Variants in ZNF136 observed in about 807,000 individuals in gnomAD.
ZNF136 encodes the protein zinc finger protein 136.
A neutral mutation model predicts 11.4 loss-of-function variants in ZNF136; 8 were observed. The observed-to-expected ratio is 0.70, with a 90% confidence interval of 0.41 to 1.27. The LOEUF (loss-of-function observed/expected upper bound fraction) is 1.27, where lower values mean the gene tolerates loss of function less well. Among genes scored for constraint, ZNF136 ranks in the 50% most tolerant of loss-of-function variants. The probability of loss-of-function intolerance (pLI) is 0.01; values close to 1 mark genes in which losing one functional copy is unlikely to be tolerated. For missense variants in ZNF136, 590 were observed against 656.5 expected (o/e 0.90, Z 1.11); for synonymous variants, 190 against 207.1 (o/e 0.92, Z 0.71).
At chr19:12,186,278 T>C in intron 3 of ZNF136, 104 bp downstream of exon 3, 2 of 1,227,076 alleles carry the variant, frequency 1.6e-6, no homozygotes, top group South Asian at 3.1e-5. Flanking sequence ...TTCAAATTGA[T>C]TTATTTTTTG....
intron 1 of ZNF136, among the ~76,000 whole-genome samples, chr19:12,175,951 T>A (rs1914779596): frequency 6.6e-6 from 1 of 152,140 alleles, no homozygotes. Flanking sequence ...TTTGCGGGCA[T>A]GTGATCATGA....
At chr19:12,170,684 G>A (rs1914632245) in intron 1 of ZNF136, among the ~76,000 whole-genome samples, 3 of 134,272 alleles carry the variant, frequency 2.2e-5, no homozygotes, top group Non-Finnish European at 4.6e-5. Context: ...TTTTTTTTTC[G>A]AGACGGAGTC....
At position 12,163,207 on chromosome 19, in the gene ZNF136, G is replaced by C; in HGVS notation, c.3+1G>C. 2 of 1,402,728 alleles carry C rather than the reference G, an allele frequency of 1.4e-6. No homozygotes were observed. Among genetic ancestry groups the C allele is most frequent in the Non-Finnish European group, 1.9e-6 (2 of 1,071,784 alleles). The allele number at this position is 1,402,728 out of a possible 1,614,324, so 86.9% of individuals were successfully genotyped here. A position where few individuals can be genotyped will look rare whatever the true frequency, so the allele number is the denominator to read the frequency against. Reference sequence around the variant, plus strand: ...TGGGACACCCGGGAGTCAGGAAATGGTGAGTGTGTCGGGCCCTGCGTCCCG... The same window carrying C: ...TGGGACACCCGGGAGTCAGGAAATGCTGAGTGTGTCGGGCCCTGCGTCCCG... On this transcript the variant is annotated splice_donor_variant, in intron 1 of 3. Coordinates refer to ENST00000343979, the MANE Select transcript of ZNF136 (RefSeq NM_003437.5). LOFTEE classifies it high-confidence loss of function.
intron 1 of ZNF136, among the ~76,000 whole-genome samples, chr19:12,180,332 C>G (rs968682382): frequency 3.5e-4 from 53 of 152,156 alleles, no homozygotes; most frequent in Admixed American, 2.4e-3. Context: ...TTCAATATGC[C>G]TCATATGCCA....
intron 1 of ZNF136, among the ~76,000 whole-genome samples, chr19:12,170,346 A>G (rs1914622194): frequency 6.6e-6 from 1 of 151,908 alleles, no homozygotes; most frequent in Non-Finnish European, 1.5e-5. Context: ...ATCTGTTGCC[A>G]ATGTAATTGT....
intron 1 of ZNF136, chr19:12,185,111 T>C (rs1004359477): frequency 2.6e-5 from 4 of 152,294 alleles, no homozygotes; most frequent in African/African-American, 9.6e-5. Context: ...TTGGCAACTA[T>C]ATTTATACCC....
At chr19:12,181,421 GCA>G (rs1027481192) in intron 1 of ZNF136, among the ~76,000 whole-genome samples, 78 of 152,098 alleles carry the variant, frequency 5.1e-4, no homozygotes, top group African/African-American at 1.9e-3. Context: ...GTTCTCGGAT[GCA>G]CAGTGTTATC....
At chr19:12,186,447 C>T in intron 3 of ZNF136, 123 bp from the exon 4 acceptor site, 2 of 925,954 alleles carry the variant, frequency 2.2e-6, no homozygotes, top group South Asian at 3.6e-5. Context: ...CATTCATGCT[C>T]AAACAAATCA....
At chr19:12,164,132 A>G (rs996162204) in intron 1 of ZNF136, among the ~76,000 whole-genome samples, 1 of 152,250 alleles carries the variant, frequency 6.6e-6, no homozygotes, top group African/African-American at 2.4e-5. Context: ...CCCTGGGACT[A>G]GGATAAATCT....
chr19:12,169,609 ATTTT>A (rs5827144), intron 1 of ZNF136, among the ~76,000 whole-genome samples: 1 of 131,992 alleles, frequency 7.6e-6, no homozygotes, highest in Admixed American at 7.8e-5. Context: ...CTGATTCTGA[ATTTT>A]TTTTTTTTTT....
chr19:12,163,150 T>A lies in ZNF136; in HGVS notation c.-54T>A. ...CTGGAGTCTCTGTGGCGCGGTTTCC[T>A]GTACCTGCCTTGGGATCCGGAGGGA... On this transcript the variant is annotated 5_prime_UTR_variant, in exon 1 of 4. Transcript: ENST00000343979. 1 of 1,398,184 alleles carries A rather than the reference T, an allele frequency of 7.2e-7. No homozygotes were observed. Among genetic ancestry groups the A allele is most frequent in the East Asian group, 2.7e-5 (1 of 36,526 alleles). 86.6% of individuals were successfully genotyped at this position (1,398,184 alleles called of 1,614,324 possible).
chr19:12,169,664 A>G (rs1252661291), intron 1 of ZNF136, among the ~76,000 whole-genome samples: 3 of 151,218 alleles, frequency 2.0e-5, no homozygotes, highest in Non-Finnish European at 4.4e-5. Flanking sequence ...GCTAGAGTGC[A>G]ATGGAGCGAT....
At chr19:12,169,730 T>G (rs1258945793) in intron 1 of ZNF136, among the ~76,000 whole-genome samples, 3 of 151,974 alleles carry the variant, frequency 2.0e-5, no homozygotes, top group African/African-American at 7.2e-5. Context: ...TGCCTCAGCC[T>G]ACCGAGTAGC....
chr19:12,175,010 C>T (rs920706811), intron 1 of ZNF136, among the ~76,000 whole-genome samples: 2 of 151,822 alleles, frequency 1.3e-5, no homozygotes, highest in Non-Finnish European at 2.9e-5. Flanking sequence ...GCGTGTGCCA[C>T]CACGCCCAGC....
chr19:12,163,348 G>T (rs1271672600), intron 1 of ZNF136, 142 bp downstream of exon 1: 7 of 1,145,002 alleles, frequency 6.1e-6, no homozygotes, highest in Non-Finnish European at 6.8e-6. Context: ...TCAGCCCTTG[G>T]TACCCTCGGC....
intron 1 of ZNF136, among the ~76,000 whole-genome samples, chr19:12,171,405 C>G (rs1172698325): frequency 6.6e-6 from 1 of 152,128 alleles, no homozygotes; most frequent in Non-Finnish European, 1.5e-5. Flanking sequence ...TGTATTTACT[C>G]CTTATAAGTA....
chr19:12,187,596 A>T lies in ZNF136; in HGVS notation c.1218A>T (p.Pro406=). ...GGAAACCCTTTCATTCTCTGAGTCCATTTCGAATACATGAAAGAACTCACA... is the reference window on the plus strand; with the variant it reads ...GGAAACCCTTTCATTCTCTGAGTCCTTTTCGAATACATGAAAGAACTCACA... ...VCGKPFHSLS[P]FRIHERTHTG... is the part of the protein sequence containing the mutation. Residue 406 remains proline, a synonymous_variant, in exon 4 of 4, where the codon CCA becomes CCT. Transcript: ENST00000343979. 6.2e-7 allele frequency: 1 copy of T among 1,613,924 alleles called. No individual in the cohort carries two copies. The highest frequency in any genetic ancestry group is 8.5e-7 in the Non-Finnish European group (1 of 1,179,956).
At position 12,163,197 on chromosome 19, in the gene ZNF136, T is replaced by G. The variant is rs1378891176; in HGVS notation, c.-7T>G. 1 of 1,394,400 alleles carries G rather than the reference T, an allele frequency of 7.2e-7. No homozygotes were observed. Among genetic ancestry groups the G allele is most frequent in the Non-Finnish European group, 9.4e-7 (1 of 1,067,876 alleles). The allele number at this position is 1,394,400 out of a possible 1,614,324, so 86.4% of individuals were successfully genotyped here. ...GGGAGGAAGCTGGGACACCCGGGAG[T>G]CAGGAAATGGTGAGTGTGTCGGGCC... On this transcript the variant is annotated 5_prime_UTR_variant, in exon 1 of 4. Coordinates refer to ENST00000343979, the MANE Select transcript of ZNF136 (RefSeq NM_003437.5).
chr19:12,182,359 G>C (rs779325710), intron 1 of ZNF136, among the ~76,000 whole-genome samples: 1 of 152,104 alleles, frequency 6.6e-6, no homozygotes, highest in African/African-American at 2.4e-5. Context: ...TCTTTTCCTG[G>C]TCCTGGGGTT....
Sources: gnomAD v4.1 joint callset for allele counts (sites outside exome capture counted in the v4.1 genomes callset) on GRCh38, gnomAD v4.1.1 for gene constraint, MANE v1.5 for transcripts, NCBI Gene and HGNC (gene_info 2026-07-23, HGNC 2026-07-21) for gene names.